Variants in RASA3 observed in about 807,000 individuals in gnomAD.
RASA3 encodes ras GTPase-activating protein 3.
Under a neutral mutation model 110.0 loss-of-function variants are expected in RASA3, and 73 were observed. That is an observed-to-expected ratio of 0.66 (90% confidence interval 0.55 to 0.81). The LOEUF (loss-of-function observed/expected upper bound fraction) is 0.81. Ranked by LOEUF, RASA3 falls within the 30% of genes least tolerant of loss-of-function variation. The probability of loss-of-function intolerance (pLI) is 0.00; values close to 1 mark genes in which losing one functional copy is unlikely to be tolerated. For synonymous variants in RASA3, 500 were observed against 451.4 expected (o/e 1.11, Z -1.37); for missense variants, 976 against 1,113.2 (o/e 0.88, Z 1.75).
At chr13:114,078,008 AC>A in intron 1 of RASA3, 1 of 956,316 alleles carries the variant, frequency 1.0e-6, no homozygotes, top group Non-Finnish European at 1.2e-6. Context: ...AAAAAAAAAA[AC>A]TCCTGAGAAA....
At position 114,023,366 on chromosome 13, in the gene RASA3, G is replaced by A. The variant is rs564160499; in HGVS notation, c.680+913C>T. ...CCAGGCTCGGGGGCATCCTAGGCTC[G>A]GGGTCTCAGGGCCGGCTGGGGAGGG... On this transcript the variant is annotated intron_variant, in intron 8 of 23. Coordinates refer to ENST00000334062, the MANE Select transcript of RASA3 (RefSeq NM_007368.4). Among the ~76,000 whole-genome samples the A allele has an allele frequency of 1.2e-4, 18 of 152,006 alleles. No homozygotes were observed. In the East Asian group the frequency reaches 1.5e-3, roughly 13 times the overall value.
chr13:114,013,183 T>G lies in RASA3; in HGVS notation c.1471A>C (p.Ile491Leu). The change falls in exon 15 of 24, where the codon ATT becomes CTT. Residue 491 changes from isoleucine to leucine, a missense_variant. By Grantham distance (5) the Ile-to-Leu change is conservative. This residue lies in a region of RASA3 where 732 missense variants were observed against 779.7 expected (regional missense o/e 0.94). Transcript: ENST00000334062. ...FIFLRFFAPAILSPNLFQLTP... is the reference protein window; with the variant it reads ...FIFLRFFAPALLSPNLFQLTP... The stretch of plus-strand genomic sequence containing the variant: ...AGCTGGAAGAGGTTGGGGGAGAGAA[T>G]GGCGGGCGCAAAGAACCTCAGGAAG... The G allele has an allele frequency of 6.2e-7, 1 of 1,613,444 alleles. No homozygotes were observed.
intron 1 of RASA3, among the ~76,000 whole-genome samples, chr13:114,081,813 G>C (rs2079792610): frequency 6.6e-6 from 1 of 152,150 alleles, no homozygotes; most frequent in Admixed American, 6.5e-5. Flanking sequence ...TCACAAAGGA[G>C]CAGAGACACA....
chr13:114,049,096 C>G (rs1291394045), intron 3 of RASA3, among the ~76,000 whole-genome samples: 3 of 152,034 alleles, frequency 2.0e-5, no homozygotes, highest in Non-Finnish European at 2.9e-5. Flanking sequence ...ACTCCTGGAC[C>G]TGAACTTGCA....
rs1322319503 is a variant in RASA3 at position 114,027,466 on chromosome 13, T to C, written c.531-5A>G. ...TTCGTCTTCTTTGCTTCTGATCTGT[T>C]ATCAAGTGAGAAAGGATTGGGATTA... On this transcript the variant is annotated splice_polypyrimidine_tract_variant and splice_region_variant and intron_variant, in intron 6 of 23. Transcript: ENST00000334062. 1 of 1,606,214 alleles carries C rather than the reference T, an allele frequency of 6.2e-7. No individual in the cohort carries two copies. Among genetic ancestry groups the C allele is most frequent in the African/African-American group, 1.3e-5 (1 of 74,730 alleles).
In RASA3 at chr13:114,018,793, C is replaced by T. The variant is rs1345951624; in HGVS notation, c.912G>A (p.Arg304=). Residue 304 remains arginine, a synonymous_variant, in exon 10 of 24, where the codon CGG becomes CGA. Coordinates refer to ENST00000334062, the MANE Select transcript of RASA3 (RefSeq NM_007368.4). The stretch of plus-strand genomic sequence containing the variant: ...CATCCGCAGACTTCAACAGCAGGTC[C>T]CGCAGAGGGCTGTAATAGTCAGAAG... ...VFSSDYYSPL[R]DLLLKSADVE... is the part of the protein sequence containing the mutation. 5 of 1,613,436 alleles carry T rather than the reference C, an allele frequency of 3.1e-6. No individual in the cohort carries two copies. The highest frequency in any genetic ancestry group is 3.3e-5 in the Admixed American group (2 of 59,998).
Position 114,011,082 on chromosome 13 carries a change from C to T in RASA3, c.1590+89G>A. ...CTTGATCTTTATCTTACGACTCTCTCAAATGTGGGAGGTTTTTCACGTGTA... is the reference window on the plus strand; with the variant it reads ...CTTGATCTTTATCTTACGACTCTCTTAAATGTGGGAGGTTTTTCACGTGTA... On this transcript the variant is annotated intron_variant, in intron 16 of 23. Coordinates refer to ENST00000334062, the MANE Select transcript of RASA3 (RefSeq NM_007368.4). This position sits in a 1 kb window ranked among gnomAD's most constrained non-coding sequence, Gnocchi z 4.8. 8.3e-7 allele frequency: 1 copy of T among 1,210,230 alleles called. No homozygotes were observed. The highest frequency in any genetic ancestry group is 1.2e-6 in the Non-Finnish European group (1 of 831,062). The allele number at this position is 1,210,230 out of a possible 1,614,324, so 75.0% of individuals were successfully genotyped here. A position where few individuals can be genotyped will look rare whatever the true frequency, so the allele number is the denominator to read the frequency against.
chr13:114,013,770 C>A (rs2053709435), intron 14 of RASA3, among the ~76,000 whole-genome samples: 1 of 150,288 alleles, frequency 6.7e-6, no homozygotes, highest in African/African-American at 2.5e-5. Flanking sequence ...ATCTCTCTGT[C>A]TCTCTCCCTC....
rs7331571 is a variant in RASA3 at position 114,114,874 on chromosome 13, C to A, written c.55+17561G>T. Among the ~76,000 whole-genome samples the A allele has an allele frequency of 1.3e-5, 2 of 152,052 alleles. No homozygotes were observed. The highest frequency in any genetic ancestry group is 4.8e-5 in the African/African-American group (2 of 41,372). On this transcript the variant is annotated intron_variant, in intron 1 of 23. Transcript: ENST00000334062. The surrounding 1 kb of genome is among the most constrained non-coding windows in gnomAD (Gnocchi z 4.8). ...ATAGCTCCCAGCTCCAGGGACGACGCGGGGGTGCTAAGCTGGTAAGCTGGG... is the reference window on the plus strand; with the variant it reads ...ATAGCTCCCAGCTCCAGGGACGACGAGGGGGTGCTAAGCTGGTAAGCTGGG...
At position 113,999,658 on chromosome 13, in the gene RASA3, G is replaced by A. The variant is rs1334059874; in HGVS notation, c.1859C>T (p.Pro620Leu). The change falls in exon 20 of 24, where the codon CCT becomes CTT. Residue 620 changes from proline to leucine, a missense_variant. Transcript: ENST00000334062. ...FTYHKSKGDQ[P>L]LYSIPIENIL... is the part of the protein sequence containing the mutation. ...GTTCTCGATGGGAATGCTGTAGAGA[G>A]GCTGGTCCCCTGCAGCAGAGATGGA... The A allele has an allele frequency of 1.9e-6, 3 of 1,612,940 alleles. No homozygotes were observed. The highest frequency in any genetic ancestry group is 1.3e-5 in the African/African-American group (1 of 74,570).
At position 114,005,032 on chromosome 13, in the gene RASA3, G is replaced by A. The variant is rs754458155; in HGVS notation, c.1742+2501C>T. ...ATGACTCAGAGACGAAAAGCCAAACGCCCCATGTTCTCACTGGTCCATAGG... is the reference window on the plus strand; with the variant it reads ...ATGACTCAGAGACGAAAAGCCAAACACCCCATGTTCTCACTGGTCCATAGG... On this transcript the variant is annotated intron_variant, in intron 18 of 23. Transcript: ENST00000334062. Among the ~76,000 whole-genome samples, 76 of 152,164 alleles carry A rather than the reference G, an allele frequency of 5.0e-4. 1 individual carries two copies. The highest frequency in any genetic ancestry group is 2.2e-4 in the Non-Finnish European group (15 of 68,038).
chr13:114,021,329 C>T (rs987422797), intron 9 of RASA3, 75 bp downstream of exon 9: 3 of 1,360,092 alleles, frequency 2.2e-6, no homozygotes, highest in Non-Finnish European at 2.1e-6. Flanking sequence ...GCCTCTGTGC[C>T]TTTCCACTCA....
At chr13:114,102,211 C>T (rs1403840813) in intron 1 of RASA3, among the ~76,000 whole-genome samples, 3 of 152,106 alleles carry the variant, frequency 2.0e-5, no homozygotes, top group Admixed American at 6.5e-5. Context: ...GGATCCACAG[C>T]GGGCGGGTGG....
intron 22 of RASA3, among the ~76,000 whole-genome samples, chr13:113,982,387 G>A (rs1242595772): frequency 6.6e-6 from 1 of 152,224 alleles, no homozygotes; most frequent in Non-Finnish European, 1.5e-5. Context: ...GCACAGGGCG[G>A]ACACCAGTCT....
chr13:113,993,898 C>T (rs528795908), intron 21 of RASA3, among the ~76,000 whole-genome samples: 4 of 151,634 alleles, frequency 2.6e-5, no homozygotes, highest in East Asian at 1.9e-4. Context: ...AGTGGCCTCA[C>T]GGTTAATTTC....
chr13:114,000,967 C>G (rs746759545), intron 18 of RASA3, 35 bp from the exon 19 acceptor site: 1 of 1,428,496 alleles, frequency 7.0e-7, no homozygotes, highest in South Asian at 1.1e-5. Context: ...GGGTCCGGGC[C>G]TCAGCTGCCT....
rs59110362 is a variant in RASA3, at chr13:114,078,880, C to T, written c.56-5043G>A. Among the ~76,000 whole-genome samples, 506 of 152,234 alleles carry T rather than the reference C, an allele frequency of 3.3e-3. 3 individuals are homozygous for T. The East Asian group carries it at 0.038, about 11-fold the overall frequency. ...CTGACAGCGAGCTGTCGGGGCTGCC[C>T]GCAGCACCCGGAGCCACACCCCTGT... On this transcript the variant is annotated intron_variant, in intron 1 of 23. Coordinates refer to ENST00000334062, the MANE Select transcript of RASA3 (RefSeq NM_007368.4).
chr13:114,108,368 G>A (rs1301039776), intron 1 of RASA3, among the ~76,000 whole-genome samples: 9 of 107,688 alleles, frequency 8.4e-5, no homozygotes, highest in Admixed American at 3.0e-4. Flanking sequence ...ATCACCCCGC[G>A]TCCATCACCC....
chr13:114,101,312 C>T (rs1044577716), intron 1 of RASA3, among the ~76,000 whole-genome samples: 2 of 152,202 alleles, frequency 1.3e-5, no homozygotes, highest in Admixed American at 6.5e-5. Flanking sequence ...TTCTGCCCAG[C>T]GAGGTCTACC....
Sources: gnomAD v4.1 joint callset for allele counts (sites outside exome capture counted in the v4.1 genomes callset) on GRCh38, gnomAD v4.1.1 for gene constraint, gnomAD v4.1.1 regional missense constraint, Gnocchi (gnomAD v3.1) non-coding constraint, MANE v1.5 for transcripts, NCBI Gene and HGNC (gene_info 2026-07-23, HGNC 2026-07-21) for gene names.